USP6NL: variants seen among roughly 807,000 people sequenced by gnomAD.
The protein encoded by USP6NL is USP6 N-terminal-like protein.
USP6NL carries 26 observed loss-of-function variants against 61.9 expected under a neutral mutation model. The ratio of observed to expected loss-of-function variants is 0.42; its 90% CI spans 0.31 to 0.58. The LOEUF (loss-of-function observed/expected upper bound fraction) is 0.58, where lower values mean the gene tolerates loss of function less well. Among genes scored for constraint, USP6NL ranks in the 20% least tolerant of loss-of-function variants. The probability of loss-of-function intolerance (pLI) is 0.16; values close to 1 mark genes in which losing one functional copy is unlikely to be tolerated. For missense variants in USP6NL, 1,114 were observed against 1,034.3 expected (o/e 1.08, Z -1.06); for synonymous variants, 432 against 390.1 (o/e 1.11, Z -1.27).
chr10:11,604,306 G>A (rs1838642651), intron 1 of USP6NL, among the ~76,000 whole-genome samples: 1 of 152,122 alleles, frequency 6.6e-6, no homozygotes, highest in African/African-American at 2.4e-5. Flanking sequence ...GGTAACTCAG[G>A]TTCTAATTTC....
At position 11,478,911 on chromosome 10, in the gene USP6NL, T is replaced by TAAAAAAAAAAAA. The variant is rs1407238488; in HGVS notation, c.1078+2858_1078+2859insTTTTTTTTTTTT. On this transcript the variant is annotated intron_variant, in intron 14 of 14. Coordinates refer to ENST00000609104, the MANE Select transcript of USP6NL (RefSeq NM_014688.5). The surrounding 1 kb of genome is among the most constrained non-coding windows in gnomAD (Gnocchi z 6.8). ...ACAGAGTGAGACCCTGTCTCATGTT[T>TAAAAAAAAAAAA]AAAAAGTGTAACTGGAAAAGCAGAG... Among the ~76,000 whole-genome samples the TAAAAAAAAAAAA allele has an allele frequency of 7.4e-6, 1 of 135,274 alleles. No homozygotes were observed. The highest frequency in any genetic ancestry group is 3.0e-4 in the South Asian group (1 of 3,334). The allele number at this position is 135,274 out of a possible 152,430, so 88.7% of individuals were successfully genotyped here.
chr10:11,472,128 G>C (rs1407070363), intron 14 of USP6NL, among the ~76,000 whole-genome samples: 1 of 152,090 alleles, frequency 6.6e-6, no homozygotes, highest in Non-Finnish European at 1.5e-5. Flanking sequence ...CTAACAATTA[G>C]AATAATCGCT....
In USP6NL at chr10:11,547,106, A is replaced by T. The variant is rs192518257; in HGVS notation, c.5-19539T>A. On this transcript the variant is annotated intron_variant, in intron 2 of 14. Coordinates refer to ENST00000609104, the MANE Select transcript of USP6NL (RefSeq NM_014688.5). ...CCTAATAACTTCTTTACTACTTATT[A>T]TTGATGTAAACTTGGGCAAGTCACA... Among the ~76,000 whole-genome samples, 3 of 152,310 alleles carry T rather than the reference A, an allele frequency of 2.0e-5. No individual in the cohort carries two copies. The East Asian group carries it at 5.8e-4, about 29-fold the overall frequency.
chr10:11,482,752 T>A lies in USP6NL; in HGVS notation c.926-830A>T, dbSNP rs1468630697. ...AAACCACTGTGTGATGAACCTCCAG[T>A]AACAACGTATTTTTAAGACAATCAG... On this transcript the variant is annotated intron_variant, in intron 13 of 14. Coordinates refer to ENST00000609104, the MANE Select transcript of USP6NL (RefSeq NM_014688.5). The surrounding 1 kb of genome is among the most constrained non-coding windows in gnomAD (Gnocchi z 4.0). Among the ~76,000 whole-genome samples the A allele has an allele frequency of 6.6e-6, 1 of 152,074 alleles. No homozygotes were observed. Among genetic ancestry groups the A allele is most frequent in the Admixed American group, 6.5e-5 (1 of 15,270 alleles).
At position 11,536,827 on chromosome 10, in the gene USP6NL, A is replaced by T. The variant is rs562963354; in HGVS notation, c.5-9260T>A. On this transcript the variant is annotated intron_variant, in intron 2 of 14. Transcript: ENST00000609104. Reference sequence around the variant, plus strand: ...CAACTTCAAAAACCCATTTATCTCCATCTTGCTCCCCCTATTAGCATATAA... The same window carrying T: ...CAACTTCAAAAACCCATTTATCTCCTTCTTGCTCCCCCTATTAGCATATAA... Among the ~76,000 whole-genome samples, 10 of 152,278 alleles carry T rather than the reference A, an allele frequency of 6.6e-5. No homozygotes were observed. In the South Asian group the frequency reaches 2.1e-3, roughly 32 times the overall value.
Position 11,463,474 on chromosome 10 carries a change from G to A in USP6NL, c.1454C>T (p.Pro485Leu), listed in dbSNP as rs2096226460. Residue 485 changes from proline to leucine, a missense_variant, in exon 15 of 15, where the codon CCC (proline) becomes CTC (leucine). By Grantham distance (98) the Pro-to-Leu change is moderately conservative. Transcript: ENST00000609104. The surrounding 1 kb of genome is among the most constrained non-coding windows in gnomAD (Gnocchi z 6.3). ...ATSNIRKEFV[P>L]KWNKPSDVSA... is the part of the protein sequence containing the mutation. Reference sequence around the variant, plus strand: ...GACGTCTGACGGTTTATTCCATTTGGGCACAAACTCCTTCCTGATATTTGA... The same window carrying A: ...GACGTCTGACGGTTTATTCCATTTGAGCACAAACTCCTTCCTGATATTTGA... 1.2e-6 allele frequency: 2 copies of A among 1,614,032 alleles called. No individual in the cohort carries two copies. Among genetic ancestry groups the A allele is most frequent in the Non-Finnish European group, 8.5e-7 (1 of 1,179,900 alleles).
chr10:11,463,260 G>A lies in USP6NL; in HGVS notation c.1668C>T (p.Gly556=). 1.2e-5 allele frequency: 20 copies of A among 1,613,688 alleles called. No homozygotes were observed. Among genetic ancestry groups the A allele is most frequent in the Non-Finnish European group, 1.6e-5 (19 of 1,179,888 alleles). ...STASQYDNVP[G]PELDSGASVE... is the part of the protein sequence containing the mutation. ...CGGAAGCGCCGCTGTCCAGCTCCGG[G>A]CCTGGCACGTTGTCGTACTGCGATG... Residue 556 remains glycine (G), a synonymous_variant, in exon 15 of 15, where the codon GGC becomes GGT. Transcript: ENST00000609104. This position sits in a 1 kb window ranked among gnomAD's most constrained non-coding sequence, Gnocchi z 6.3.
intron 2 of USP6NL, among the ~76,000 whole-genome samples, chr10:11,567,934 T>G (rs1342617967): frequency 6.6e-6 from 1 of 152,130 alleles, no homozygotes. Context: ...AGCGAGCAAA[T>G]CCAGGATCGA....
In USP6NL at chr10:11,548,064, C is replaced by A. The variant is rs928305136; in HGVS notation, c.5-20497G>T. ...GTGATCACTCAATTTCTCCTTAAGG[C>A]TTCCAGAAATGAAAATCTCACAAGT... On this transcript the variant is annotated intron_variant, in intron 2 of 14. Transcript: ENST00000609104. This position sits in a 1 kb window ranked among gnomAD's most constrained non-coding sequence, Gnocchi z 4.3. 2.0e-5 allele frequency among the ~76,000 whole-genome samples: 3 copies of A among 152,140 alleles called. No homozygotes were observed. The highest frequency in any genetic ancestry group is 1.5e-5 in the Non-Finnish European group (1 of 68,014).
intron 1 of USP6NL, among the ~76,000 whole-genome samples, chr10:11,599,643 T>C (rs1157116467): frequency 6.6e-6 from 1 of 152,166 alleles, no homozygotes; most frequent in Non-Finnish European, 1.5e-5. Flanking sequence ...CTTAGAAACA[T>C]TTATAAATGA....
intron 1 of USP6NL, among the ~76,000 whole-genome samples, chr10:11,603,369 A>G (rs1838610309): frequency 6.6e-6 from 1 of 152,202 alleles, no homozygotes; most frequent in African/African-American, 2.4e-5. Flanking sequence ...AATGACCTAT[A>G]ATTAGTTTAC....
rs1358002794 is a variant in USP6NL, at chr10:11,602,952, T to C, written c.-83-5235A>G. ...TTATGCTTTCCCTAAAGAATGCTCT[T>C]GCTGCAACCCCGTGAAACATAACGT... On this transcript the variant is annotated intron_variant, in intron 1 of 14. Transcript: ENST00000609104. This position sits in a 1 kb window ranked among gnomAD's most constrained non-coding sequence, Gnocchi z 4.8. Among the ~76,000 whole-genome samples, 1 of 152,242 alleles carries C rather than the reference T, an allele frequency of 6.6e-6. No homozygotes were observed. Among genetic ancestry groups the C allele is most frequent in the East Asian group, 1.9e-4 (1 of 5,206 alleles).
intron 2 of USP6NL, among the ~76,000 whole-genome samples, chr10:11,543,316 G>T (rs1044061362): frequency 2.6e-5 from 4 of 152,148 alleles, no homozygotes; most frequent in African/African-American, 9.7e-5. Flanking sequence ...CCAAGACAGG[G>T]GGATCACAAG....
At chr10:11,480,245 T>C (rs1833140840) in intron 14 of USP6NL, among the ~76,000 whole-genome samples, 1 of 152,220 alleles carries the variant, frequency 6.6e-6, no homozygotes, top group Admixed American at 6.5e-5. Context: ...AGACGGCACC[T>C]GTGGTACGTG....
chr10:11,593,707 C>T (rs1230961855), intron 2 of USP6NL, among the ~76,000 whole-genome samples: 1 of 152,134 alleles, frequency 6.6e-6, no homozygotes, highest in East Asian at 1.9e-4. Flanking sequence ...ATATATCCAC[C>T]AGAATAAAAG....
Position 11,532,307 on chromosome 10 carries a change from T to G in USP6NL, c.5-4740A>C. On this transcript the variant is annotated intron_variant, in intron 2 of 14. Transcript: ENST00000609104. The surrounding 1 kb of genome is among the most constrained non-coding windows in gnomAD (Gnocchi z 4.1). ...ACACACCAAGAGTGCTGCCCGGCGG[T>G]ACCTCACACATTCTGCAACTAACTA... 1.6e-6 allele frequency: 2 copies of G among 1,275,444 alleles called. No homozygotes were observed. The highest frequency in any genetic ancestry group is 2.2e-6 in the Non-Finnish European group (2 of 925,650). The allele number at this position is 1,275,444 out of a possible 1,614,324, so 79.0% of individuals were successfully genotyped here. A position where few individuals can be genotyped will look rare whatever the true frequency, so the allele number is the denominator to read the frequency against.
In USP6NL at chr10:11,561,411, ATGT is replaced by A. The variant is rs374678150; in HGVS notation, c.5-33847_5-33845del. Among the ~76,000 whole-genome samples, 26 of 152,354 alleles carry A rather than the reference ATGT, an allele frequency of 1.7e-4. No individual in the cohort carries two copies. The South Asian group carries it at 4.6e-3, about 27-fold the overall frequency. On this transcript the variant is annotated intron_variant, in intron 2 of 14. Transcript: ENST00000609104. This position sits in a 1 kb window ranked among gnomAD's most constrained non-coding sequence, Gnocchi z 4.1. ...TAAACATACCATACACAGGATACAC[ATGT>A]GCATACGTGCACAAGAACATATACG... is the stretch of plus-strand genomic sequence containing the variant.
chr10:11,481,837 A>G lies in USP6NL; in HGVS notation c.1011T>C (p.Phe337=). 1 of 1,613,168 alleles carries G rather than the reference A, an allele frequency of 6.2e-7. No individual in the cohort carries two copies. Among genetic ancestry groups the G allele is most frequent in the Non-Finnish European group, 8.5e-7 (1 of 1,179,532 alleles). ...TAGAAATCTGAAGTTGCTCTATCAC[A>G]AAATCATCTTCAAAGAAAAAATCCT... ...LAKDFFFEDD[F]VIEQLQISMT... The change falls in exon 14 of 15, where the codon TTT becomes TTC. Residue 337 remains phenylalanine (F), a synonymous_variant. Transcript: ENST00000609104. The surrounding 1 kb of genome is among the most constrained non-coding windows in gnomAD (Gnocchi z 4.4).
intron 2 of USP6NL, among the ~76,000 whole-genome samples, chr10:11,529,481 A>G (rs1010198232): frequency 3.9e-5 from 6 of 152,262 alleles, no homozygotes; most frequent in African/African-American, 9.6e-5. Flanking sequence ...AGTAAAAACA[A>G]CAGAGTGGGA....
Sources: gnomAD v4.1 joint callset for allele counts (sites outside exome capture counted in the v4.1 genomes callset) on GRCh38, gnomAD v4.1.1 for gene constraint, Gnocchi (gnomAD v3.1) non-coding constraint, MANE v1.5 for transcripts, NCBI Gene and HGNC (gene_info 2026-07-23, HGNC 2026-07-21) for gene names.